EBPL: variants seen among roughly 807,000 people sequenced by gnomAD.
EBPL encodes the protein EBP like.
EBPL carries 20 observed loss-of-function variants against 19.0 expected under a neutral mutation model. The ratio of observed to expected loss-of-function variants is 1.05; its 90% CI spans 0.74 to 1.53. EBPL has a LOEUF of 1.53. EBPL is among the 40% of genes most tolerant of loss of function. The pLI, the probability that EBPL is intolerant of heterozygous loss-of-function variation, is 0.00. For synonymous variants in EBPL, 107 were observed against 117.0 expected (o/e 0.91, Z 0.55); for missense variants, 219 against 261.1 (o/e 0.84, Z 1.11).
At chr13:49,690,140 ACT>A (rs1473977342) in intron 1 of EBPL, among the ~76,000 whole-genome samples, 3 of 144,372 alleles carry the variant, frequency 2.1e-5, no homozygotes, top group Non-Finnish European at 4.5e-5. Flanking sequence ...ACAGTGTTAG[ACT>A]CTGTCTCAAG....
chr13:49,691,401 C>A lies in EBPL; in HGVS notation c.24G>T (p.Gly8=), dbSNP rs755777881. The stretch of plus-strand genomic sequence containing the variant: ...GCAGCAGCGAACCGCCAGCCTCGGC[C>A]CCCAGCTCCCACTCAGCGCCCATGC... MGAEWEL[G]AEAGGSLLLC... Residue 8 remains glycine, a synonymous_variant, in exon 1 of 4, where the codon GGG becomes GGT. Transcript: ENST00000242827. The A allele has an allele frequency of 2.9e-6, 4 of 1,360,020 alleles. No homozygotes were observed. The East Asian group carries it at 8.4e-5, about 28-fold the overall frequency. 84.2% of individuals were successfully genotyped at this position (1,360,020 alleles called of 1,614,324 possible).
In EBPL at chr13:49,691,119, C is replaced by G. The variant is rs956638219; in HGVS notation, c.171+135G>C. 32 of 851,042 alleles carry G rather than the reference C, an allele frequency of 3.8e-5. No individual in the cohort carries two copies. The East Asian group carries it at 7.4e-4, about 20-fold the overall frequency. 52.7% of individuals were successfully genotyped at this position (851,042 alleles called of 1,614,324 possible). ...GCCGCGGCCTCCAGGCGCCTCTCAGCTAACAGACTTCCTGCAGCAGGGGGA... is the reference window on the plus strand; with the variant it reads ...GCCGCGGCCTCCAGGCGCCTCTCAGGTAACAGACTTCCTGCAGCAGGGGGA... On this transcript the variant is annotated intron_variant, in intron 1 of 3. Transcript: ENST00000242827.
intron 2 of EBPL, among the ~76,000 whole-genome samples, chr13:49,665,085 T>C (rs1459641044): frequency 6.6e-6 from 1 of 151,764 alleles, no homozygotes; most frequent in Non-Finnish European, 1.5e-5. Flanking sequence ...GTCAGTTCTT[T>C]AGGAACAAAA....
rs551600713 is a variant in EBPL at position 49,680,090 on chromosome 13, T to C, written c.172-10244A>G. ...TAGTGTCTGTCAGCAGAGGGCCAGG[T>C]TGGTGGGAGGGGCCTGCTTCAGCAC... On this transcript the variant is annotated intron_variant, in intron 1 of 3. Coordinates refer to ENST00000242827, the MANE Select transcript of EBPL (RefSeq NM_032565.5). 3.9e-5 allele frequency among the ~76,000 whole-genome samples: 6 copies of C among 152,062 alleles called. No individual in the cohort carries two copies. The South Asian group carries it at 1.2e-3, about 32-fold the overall frequency.
At position 49,691,330 on chromosome 13, in the gene EBPL, AGGCGCAGGCCCAG is replaced by A. The variant is rs754895213; in HGVS notation, c.82_94del (p.Leu28TrpfsTer35). On this transcript the variant is annotated frameshift_variant, in exon 1 of 4. Transcript: ENST00000242827. LOFTEE classifies it high-confidence loss of function. ...GTCCGCCGCCCCCTGCCCGCGGCCC[AGGCGCAGGCCCAG>A]GGCGCAGCCCGCCGCCAGCAGCGCG... The A allele has an allele frequency of 1.6e-5, 22 of 1,367,852 alleles. No individual in the cohort carries two copies. Among genetic ancestry groups the A allele is most frequent in the East Asian group, 1.2e-4 (4 of 32,740 alleles). 84.7% of individuals were successfully genotyped at this position (1,367,852 alleles called of 1,614,324 possible).
At chr13:49,688,778 G>C (rs1324167178) in intron 1 of EBPL, among the ~76,000 whole-genome samples, 3 of 150,372 alleles carry the variant, frequency 2.0e-5, no homozygotes. Flanking sequence ...ATCTTCTAGT[G>C]AACAAGTGAG....
chr13:49,681,640 A>G (rs1473912202), intron 1 of EBPL, among the ~76,000 whole-genome samples: 2 of 152,246 alleles, frequency 1.3e-5, no homozygotes, highest in Non-Finnish European at 2.9e-5. Flanking sequence ...AAAGACAGCT[A>G]TAAGTCAAAG....
rs1954066161 is a variant in EBPL at position 49,691,475 on chromosome 13, A to C, written c.-51T>G. ...CCAGGACCATGCGGCAGAGGAAAGC[A>C]GGGAGAGAAACGACGGGGCGGGGCT... On this transcript the variant is annotated 5_prime_UTR_variant, in exon 1 of 4. Transcript: ENST00000242827. 1 of 1,235,642 alleles carries C rather than the reference A, an allele frequency of 8.1e-7. No individual in the cohort carries two copies. Among genetic ancestry groups the C allele is most frequent in the Non-Finnish European group, 1.0e-6 (1 of 982,336 alleles). 76.5% of individuals were successfully genotyped at this position (1,235,642 alleles called of 1,614,324 possible). A position where few individuals can be genotyped will look rare whatever the true frequency, so the allele number is the denominator to read the frequency against.
intron 3 of EBPL, chr13:49,661,702 A>T: frequency 1.0e-6 from 1 of 966,474 alleles, no homozygotes; most frequent in Non-Finnish European, 1.2e-6. Flanking sequence ...GGGCACACGT[A>T]GTAAGTTTGC....
At chr13:49,676,302 C>A (rs1353029841) in intron 1 of EBPL, among the ~76,000 whole-genome samples, 2 of 152,172 alleles carry the variant, frequency 1.3e-5, no homozygotes, top group African/African-American at 2.4e-5. Flanking sequence ...TCTTTAAAAC[C>A]CTAGTGAGGC....
chr13:49,663,121 C>A lies in EBPL; in HGVS notation c.316G>T (p.Val106Phe). ...PTIVSVEILTVALDGSLALFL... is the reference protein window; with the variant it reads ...PTIVSVEILTFALDGSLALFL... ...AATGCCAGAGACCCATCCAGGGCGA[C>A]GGTCAGAATTTCCACAGACACAATG... Residue 106 changes from valine to phenylalanine, a missense_variant, in exon 3 of 4, where the codon GTC becomes TTC. Physicochemically the swap from Val to Phe is conservative, Grantham distance 50. Coordinates refer to ENST00000242827, the MANE Select transcript of EBPL (RefSeq NM_032565.5). 1 of 1,614,182 alleles carries A rather than the reference C, an allele frequency of 6.2e-7. No individual in the cohort carries two copies. The highest frequency in any genetic ancestry group is 1.1e-5 in the South Asian group (1 of 91,080).
intron 1 of EBPL, among the ~76,000 whole-genome samples, chr13:49,679,890 T>C (rs916412711): frequency 6.9e-6 from 1 of 144,978 alleles, no homozygotes; most frequent in Non-Finnish European, 1.6e-5. Context: ...AAGCTATATA[T>C]ATATATTAGT....
At chr13:49,675,044 C>T (rs904972893) in intron 1 of EBPL, among the ~76,000 whole-genome samples, 4 of 152,158 alleles carry the variant, frequency 2.6e-5, no homozygotes, top group Non-Finnish European at 4.4e-5. Flanking sequence ...TTAGGTACCT[C>T]GTGTAAGTGA....
Position 49,666,879 on chromosome 13 carries a change from ACT to A in EBPL, c.241+2896_241+2897del, listed in dbSNP as rs539839623. The stretch of plus-strand genomic sequence containing the variant: ...ACTCCAGCCTGGGAGACAGAGCGAG[ACT>A]CTGTTAAAAAAAAAAGAAAAAAAAA... On this transcript the variant is annotated intron_variant, in intron 2 of 3. Transcript: ENST00000242827. Among the ~76,000 whole-genome samples the A allele has an allele frequency of 2.4e-3, 330 of 137,276 alleles. 2 individuals carry two copies. The highest frequency in any genetic ancestry group is 6.7e-3 in the African/African-American group (255 of 38,232). The allele number at this position is 137,276 out of a possible 152,430, so 90.1% of individuals were successfully genotyped here. A position where few individuals can be genotyped will look rare whatever the true frequency, so the allele number is the denominator to read the frequency against.
chr13:49,690,418 C>T (rs77695415), intron 1 of EBPL, among the ~76,000 whole-genome samples: 67 of 88,250 alleles, frequency 7.6e-4, no homozygotes, highest in African/African-American at 3.4e-3. Context: ...GTCAACTTTA[C>T]AAAAAAAAAA....
chr13:49,663,936 A>C (rs932888070), intron 2 of EBPL, among the ~76,000 whole-genome samples: 4 of 141,092 alleles, frequency 2.8e-5, no homozygotes, highest in African/African-American at 5.3e-5. Context: ...AAAAAAAAAA[A>C]ACAAAAAAAC....
At chr13:49,661,971 T>C in intron 3 of EBPL, 1 of 1,478,938 alleles carries the variant, frequency 6.8e-7, no homozygotes, top group Non-Finnish European at 9.2e-7. Flanking sequence ...TTATAGTCTC[T>C]GAGTCTGATA....
intron 1 of EBPL, among the ~76,000 whole-genome samples, chr13:49,684,868 C>T (rs1953980797): frequency 6.6e-6 from 1 of 152,068 alleles, no homozygotes; most frequent in East Asian, 1.9e-4. Context: ...TTAAGAAAAC[C>T]ACAATCAAAA....
In EBPL at chr13:49,676,595, A is replaced by AAAAAT. The variant is rs1345373630; in HGVS notation, c.172-6754_172-6750dup. Among the ~76,000 whole-genome samples, 3 of 126,964 alleles carry AAAAAT rather than the reference A, an allele frequency of 2.4e-5. No individual in the cohort carries two copies. In the South Asian group the frequency reaches 8.0e-4, roughly 34 times the overall value. 83.3% of individuals were successfully genotyped at this position (126,964 alleles called of 152,430 possible). On this transcript the variant is annotated intron_variant, in intron 1 of 3. Coordinates refer to ENST00000242827, the MANE Select transcript of EBPL (RefSeq NM_032565.5). Reference sequence around the variant, plus strand: ...CGACAGAGCAAGACTATGTCTCAAAAAAAATAAAATAAATAAATAAATAAA... The same window carrying AAAAAT: ...CGACAGAGCAAGACTATGTCTCAAAAAAAATAAAATAAAATAAATAAATAAATAAA...
Sources: gnomAD v4.1 joint callset for allele counts (sites outside exome capture counted in the v4.1 genomes callset) on GRCh38, gnomAD v4.1.1 for gene constraint, MANE v1.5 for transcripts, NCBI Gene and HGNC (gene_info 2026-07-23, HGNC 2026-07-21) for gene names.